Variants in RESF1 observed in about 807,000 individuals in gnomAD.
RESF1 encodes the protein gonad expressed transcript.
In RESF1, 65 loss-of-function variants were observed where a neutral mutation model predicts 134.7. The ratio of observed to expected loss-of-function variants is 0.48; its 90% confidence interval spans 0.40 to 0.59. The LOEUF is 0.59. Among genes scored for constraint, RESF1 ranks in the 20% least tolerant of loss-of-function variants. The pLI, the probability that RESF1 is intolerant of heterozygous loss-of-function variation, is 0.00. For synonymous variants in RESF1, 762 were observed against 702.2 expected (o/e 1.09, Z -1.35); for missense variants, 2,274 against 2,002.7 (o/e 1.14, Z -2.59).
chr12:31,985,667 C>T lies in RESF1; in HGVS notation c.4712C>T (p.Pro1571Leu), dbSNP rs538913203. Residue 1571 changes from proline to leucine, a missense_variant, in exon 4 of 6, where the codon CCT (proline) becomes CTT (leucine). Physicochemically the swap from Pro to Leu is moderately conservative, Grantham distance 98 (BLOSUM62 -3). Transcript: ENST00000312561. ...AACGAAGCTCAATTCAGCCAAATGC[C>T]TCCCCAAGTAAAGGATCAAAAGAAA... ...ISNEAQFSQM[P>L]PQVKDQKKLY... is the part of the protein sequence containing the mutation. 3.7e-6 allele frequency: 6 copies of T among 1,613,030 alleles called. No homozygotes were observed. Among genetic ancestry groups the T allele is most frequent in the Middle Eastern group, 1.7e-4 (1 of 6,052 alleles).
intron 2 of RESF1, among the ~76,000 whole-genome samples, chr12:31,965,375 T>C (rs11051702): frequency 2.0e-5 from 3 of 152,308 alleles, no homozygotes; most frequent in African/African-American, 7.2e-5. Context: ...GGCTGGCCAC[T>C]ACTTCATTTA....
chr12:31,974,071 A>C (rs1347575068), intron 3 of RESF1, among the ~76,000 whole-genome samples: 2 of 151,984 alleles, frequency 1.3e-5, no homozygotes, highest in Non-Finnish European at 2.9e-5. Context: ...TCAGGGAAAT[A>C]GTTTACTTAT....
At chr12:31,972,625 AG>A (rs1246721722) in intron 3 of RESF1, among the ~76,000 whole-genome samples, 7 of 142,312 alleles carry the variant, frequency 4.9e-5, no homozygotes, top group Admixed American at 3.5e-4. Context: ...AAAAAAAAAA[AG>A]TGGGGGCAGT....
chr12:31,982,152 A>G lies in RESF1; in HGVS notation c.1197A>G (p.Thr399=). Reference sequence around the variant, plus strand: ...AAAAGCTAGTAAGGGATATTAAAACATTAGTAGAGATAAAACAGAAGTTTT... The same window carrying G: ...AAAAGCTAGTAAGGGATATTAAAACGTTAGTAGAGATAAAACAGAAGTTTT... ...AKEKLVRDIK[T]LVEIKQKFSE... The change falls in exon 4 of 6, where the codon ACA becomes ACG. Residue 399 remains threonine (T), a synonymous_variant. Coordinates refer to ENST00000312561, the MANE Select transcript of RESF1 (RefSeq NM_018169.4). 1 of 1,612,980 alleles carries G rather than the reference A, an allele frequency of 6.2e-7. No homozygotes were observed. The highest frequency in any genetic ancestry group is 1.1e-5 in the South Asian group (1 of 90,732).
In RESF1 at chr12:31,982,946, G is replaced by T. The variant is rs754970514; in HGVS notation, c.1991G>T (p.Ser664Ile). The part of the protein sequence containing the change: ...ESSTKGMPAK[S>I]DSSCSMEVLA... Reference sequence around the variant, plus strand: ...TCAACAAAAGGAATGCCTGCTAAAAGTGACAGTAGCTGTTCCATGGAAGTG... The same window carrying T: ...TCAACAAAAGGAATGCCTGCTAAAATTGACAGTAGCTGTTCCATGGAAGTG... Residue 664 changes from serine to isoleucine, a missense_variant, in exon 4 of 6, where the codon AGT (serine) becomes ATT (isoleucine). Coordinates refer to ENST00000312561, the MANE Select transcript of RESF1 (RefSeq NM_018169.4). The T allele has an allele frequency of 4.3e-6, 7 of 1,613,984 alleles. No individual in the cohort carries two copies. In the Admixed American group the frequency reaches 1.2e-4, roughly 27 times the overall value.
chr12:31,978,831 G>A (rs11051717), intron 3 of RESF1, among the ~76,000 whole-genome samples: 4,950 of 151,094 alleles, frequency 0.033, 279 homozygotes, highest in African/African-American at 0.11. Flanking sequence ...AAAGTGCTGC[G>A]ATTACAGGAT....
intron 3 of RESF1, among the ~76,000 whole-genome samples, chr12:31,979,805 C>T (rs1002625047): frequency 2.6e-5 from 4 of 151,972 alleles, no homozygotes; most frequent in African/African-American, 9.7e-5. Context: ...GATCTTCCTG[C>T]CTCAGCCTCA....
At chr12:31,975,285 C>T (rs1965193) in intron 3 of RESF1, among the ~76,000 whole-genome samples, 39,480 of 151,786 alleles carry the variant, frequency 0.26, 5,354 homozygotes, top group African/African-American at 0.33. Flanking sequence ...AAAAAGAAAA[C>T]TGAGCTTATA....
intron 5 of RESF1, among the ~76,000 whole-genome samples, chr12:31,990,199 T>C (rs1940066980): frequency 1.3e-5 from 2 of 152,124 alleles, no homozygotes; most frequent in South Asian, 4.1e-4. Context: ...AGGCATGAGT[T>C]GAATGACATG....
Position 31,966,041 on chromosome 12 carries a change from C to T in RESF1, c.-246-4148C>T, listed in dbSNP as rs1393191787. ...AGCGCTTTTCAGATATTTAAGATCA[C>T]CAGACCTCTAGTACACGGTGTGTCC... On this transcript the variant is annotated intron_variant, in intron 2 of 5. Transcript: ENST00000312561. 3.3e-5 allele frequency among the ~76,000 whole-genome samples: 5 copies of T among 152,154 alleles called. No homozygotes were observed. In the East Asian group the frequency reaches 7.7e-4, roughly 23 times the overall value.
rs1356663743 is a variant in RESF1 at position 31,985,837 on chromosome 12, G to C, written c.4882G>C (p.Glu1628Gln). 1.3e-6 allele frequency: 2 copies of C among 1,563,884 alleles called. No homozygotes were observed. Among genetic ancestry groups the C allele is most frequent in the African/African-American group, 1.4e-5 (1 of 72,108 alleles). Residue 1628 changes from glutamate (E) to glutamine (Q), a missense_variant, in exon 4 of 6, where the codon GAA becomes CAA. Coordinates refer to ENST00000312561, the MANE Select transcript of RESF1 (RefSeq NM_018169.4). Reference sequence around the variant, plus strand: ...CTTTTTACCGGTGAAAGGTAACACAGAAAAATCAAACATGCTGGAGTTTAA... The same window carrying C: ...CTTTTTACCGGTGAAAGGTAACACACAAAAATCAAACATGCTGGAGTTTAA... ...KTFLPVKGNT[E>Q]KSNMLEFKLC...
At chr12:31,979,360 G>A (rs1939717885) in intron 3 of RESF1, among the ~76,000 whole-genome samples, 1 of 152,084 alleles carries the variant, frequency 6.6e-6, no homozygotes, top group South Asian at 2.1e-4. Context: ...ACAAGTTAAA[G>A]GGCTCAGTCC....
Position 31,981,862 on chromosome 12 carries a change from A to G in RESF1, c.907A>G (p.Met303Val), listed in dbSNP as rs151295728. The change falls in exon 4 of 6, where the codon ATG becomes GTG. Residue 303 changes from methionine (M) to valine (V), a missense_variant. Coordinates refer to ENST00000312561, the MANE Select transcript of RESF1 (RefSeq NM_018169.4). ...STQHITKHLS[M>V]EVPQSREMLS... is the part of the protein sequence containing the mutation. ...TCAGCATATTACTAAACACTTGTCT[A>G]TGGAAGTTCCTCAGAGTCGAGAAAT... is the stretch of plus-strand genomic sequence containing the variant. The G allele has an allele frequency of 1.7e-4, 267 of 1,614,138 alleles. No individual in the cohort carries two copies. In the African/African-American group the frequency reaches 2.1e-3, roughly 12 times the overall value.
chr12:31,976,790 G>A (rs1939644496), intron 3 of RESF1, among the ~76,000 whole-genome samples: 1 of 152,110 alleles, frequency 6.6e-6, no homozygotes, highest in African/African-American at 2.4e-5. Flanking sequence ...AGGCGGAGGA[G>A]GAGGGAAGAG....
intron 3 of RESF1, among the ~76,000 whole-genome samples, chr12:31,979,181 A>G (rs572600083): frequency 4.6e-4 from 70 of 152,202 alleles, no homozygotes; most frequent in African/African-American, 1.4e-3. Context: ...TGGCCTCCCA[A>G]AATGCTGGGA....
At chr12:31,967,574 G>GT (rs895505049) in intron 2 of RESF1, among the ~76,000 whole-genome samples, 9 of 151,836 alleles carry the variant, frequency 5.9e-5, no homozygotes, top group Admixed American at 2.0e-4. Context: ...TTGGTTTTTT[G>GT]TTTTTTTTAA....
At chr12:31,970,674 G>A (rs1295694630) in intron 3 of RESF1, among the ~76,000 whole-genome samples, 1 of 152,196 alleles carries the variant, frequency 6.6e-6, no homozygotes, top group Non-Finnish European at 1.5e-5. Context: ...TTCCTCAAAT[G>A]GGTATACTGA....
intron 3 of RESF1, among the ~76,000 whole-genome samples, chr12:31,977,873 T>C (rs1263566636): frequency 1.4e-5 from 2 of 147,954 alleles, no homozygotes; most frequent in Non-Finnish European, 3.0e-5. Flanking sequence ...TGGTGCAATC[T>C]CAGCTCACTG....
rs1837770069 is a variant in RESF1, at chr12:31,992,492, T to G, written c.5201T>G (p.Leu1734Arg). 5.0e-6 allele frequency: 8 copies of G among 1,613,882 alleles called. No individual in the cohort carries two copies. Among genetic ancestry groups the G allele is most frequent in the Non-Finnish European group, 5.9e-6 (7 of 1,179,954 alleles). The change falls in exon 6 of 6, where the codon CTG (leucine) becomes CGG (arginine). Residue 1734 changes from leucine to arginine, a missense_variant. Leu to Arg is a moderately radical substitution (Grantham distance 102). Transcript: ENST00000312561. ...TTTCAAACCTACAAACAGATGTACCTGGAGAAGAGAAGCAGAAGCCTTGGT... is the reference window on the plus strand; with the variant it reads ...TTTCAAACCTACAAACAGATGTACCGGGAGAAGAGAAGCAGAAGCCTTGGT... ...EMFQTYKQMY[L>R]EKRSRSLGSS...
Sources: allele counts gnomAD v4.1 joint callset (sites outside exome capture counted in the v4.1 genomes callset), GRCh38; gene constraint gnomAD v4.1.1; transcripts MANE v1.5; gene names NCBI Gene and HGNC (gene_info 2026-07-23, HGNC 2026-07-21).